The following ERCC6 variants were observed in gnomAD, a reference collection of about 807,000 sequenced individuals.
ERCC6 encodes ERCC excision repair 6, chromatin remodeling factor.
ERCC6 carries 116 observed loss-of-function variants against 158.7 expected under a neutral mutation model. The observed-to-expected ratio is 0.73, with a 90% CI of 0.63 to 0.85. The LOEUF is 0.85. ERCC6 is among the 40% of genes least tolerant of loss of function. The pLI, the probability that ERCC6 is intolerant of heterozygous loss-of-function variation, is 0.00. For synonymous variants in ERCC6, 678 were observed against 659.3 expected (o/e 1.03, Z -0.43); for missense variants, 1,698 against 1,799.4 (o/e 0.94, Z 1.02).
rs1248999807 is a variant in ERCC6, at chr10:49,459,250, C to T, written c.4063-16G>A. 4.3e-6 allele frequency: 7 copies of T among 1,612,680 alleles called. No homozygotes were observed. Among genetic ancestry groups the T allele is most frequent in the Non-Finnish European group, 5.9e-6 (7 of 1,179,470 alleles). On this transcript the variant is annotated splice_polypyrimidine_tract_variant and intron_variant, in intron 20 of 20. Coordinates refer to ENST00000355832, the MANE Select transcript of ERCC6 (RefSeq NM_000124.4). ...TGATGCCATCCTATAAAAAGAAGAC[C>T]ACTATACTGATATATTTAATTTCTA...
intron 5 of ERCC6, among the ~76,000 whole-genome samples, chr10:49,507,341 C>T (rs1026006536): frequency 6.6e-6 from 1 of 152,140 alleles, no homozygotes; most frequent in Non-Finnish European, 1.5e-5. Flanking sequence ...ATCAATGAAG[C>T]ACTGTTGGTC....
At chr10:49,448,022 G>C in the ERCC6 span, among the ~76,000 whole-genome samples, 1 of 152,104 alleles carries the variant, frequency 6.6e-6, no homozygotes, top group Admixed American at 6.6e-5. Flanking sequence ...GTATTTGTTT[G>C]AGCACCAGTT....
downstream of ERCC6, among the ~76,000 whole-genome samples, chr10:49,453,156 G>C (rs1850439724): frequency 6.6e-6 from 1 of 151,994 alleles, no homozygotes; most frequent in Non-Finnish European, 1.5e-5. Flanking sequence ...TTCTAAGGTA[G>C]TATTTTAATT....
At chr10:49,484,677 C>G (rs1851046195) in intron 8 of ERCC6, among the ~76,000 whole-genome samples, 2 of 152,174 alleles carry the variant, frequency 1.3e-5, no homozygotes, top group Admixed American at 6.5e-5. Flanking sequence ...GAGTTAGAGT[C>G]TACAGTGAGC....
chr10:49,500,643 C>T lies in ERCC6; in HGVS notation c.1580G>A (p.Gly527Glu). 1.2e-6 allele frequency: 2 copies of T among 1,614,012 alleles called. No homozygotes were observed. The highest frequency in any genetic ancestry group is 1.3e-5 in the African/African-American group (1 of 75,044). The stretch of plus-strand genomic sequence containing the variant: ...TCCCATTTCATCTCCCAGAATTCCT[C>T]CTGCCTGCTGGCAGTGCAATTCCCA... ...WLWELHCQQAGGILGDEMGLG... is the reference protein window; with the variant it reads ...WLWELHCQQAEGILGDEMGLG... Residue 527 changes from glycine to glutamate, a missense_variant, in exon 7 of 21, where the codon GGA becomes GAA. Gly to Glu is a moderately conservative substitution (Grantham distance 98). Transcript: ENST00000355832.
At chr10:49,492,452 C>G (rs150316892) in intron 8 of ERCC6, among the ~76,000 whole-genome samples, 44 of 152,280 alleles carry the variant, frequency 2.9e-4, no homozygotes, top group Non-Finnish European at 5.6e-4. Flanking sequence ...AAAAATGAAT[C>G]AGACACAGTC....
intron 8 of ERCC6, among the ~76,000 whole-genome samples, chr10:49,488,572 C>T (rs1030861526): frequency 2.4e-4 from 36 of 150,952 alleles, no homozygotes; most frequent in Non-Finnish European, 4.3e-4. Context: ...ACTTTGCATT[C>T]TATTATAATT....
chr10:49,512,480 C>G (rs541005747), intron 5 of ERCC6, among the ~76,000 whole-genome samples: 2 of 152,286 alleles, frequency 1.3e-5, no homozygotes, highest in East Asian at 3.9e-4. Context: ...TGATACTGTA[C>G]TTATATTTTT....
intron 5 of ERCC6, among the ~76,000 whole-genome samples, chr10:49,523,645 G>A (rs927207275): frequency 1.3e-5 from 2 of 152,158 alleles, no homozygotes; most frequent in Admixed American, 6.5e-5. Context: ...TGCTTCAAAA[G>A]GGAAAACAGA....
chr10:49,498,668 T>C (rs1013079686), intron 7 of ERCC6, among the ~76,000 whole-genome samples: 1 of 152,204 alleles, frequency 6.6e-6, no homozygotes, highest in Non-Finnish European at 1.5e-5. Context: ...ATATGAGCAT[T>C]GATAGTTAAT....
intron 1 of ERCC6, among the ~76,000 whole-genome samples, chr10:49,537,389 A>G (rs2132648073): frequency 6.6e-6 from 1 of 151,948 alleles, no homozygotes; most frequent in African/African-American, 2.4e-5. Context: ...TTTAACAAAT[A>G]GTTACTGAGA....
At chr10:49,466,131 C>A (rs1207481273) in intron 18 of ERCC6, among the ~76,000 whole-genome samples, 1 of 152,002 alleles carries the variant, frequency 6.6e-6, no homozygotes, top group African/African-American at 2.4e-5. Flanking sequence ...ATAGCACACA[C>A]TGAAAATATG....
intron 18 of ERCC6, 140 bp downstream of exon 18, chr10:49,470,042 T>A (rs892708992): frequency 3.8e-6 from 3 of 798,636 alleles, no homozygotes; most frequent in African/African-American, 3.5e-5. Context: ...GTCAATATAT[T>A]TCAAATCTAA....
At chr10:49,510,263 T>C (rs764808047) in intron 5 of ERCC6, among the ~76,000 whole-genome samples, 7 of 152,156 alleles carry the variant, frequency 4.6e-5, no homozygotes, top group African/African-American at 1.7e-4. Flanking sequence ...CCATTTAAAG[T>C]TAATTTATTT....
rs1182944058 is a variant in ERCC6 at position 49,457,308 on chromosome 10, T to C, written c.*1507A>G. 2.0e-5 allele frequency: 3 copies of C among 152,108 alleles called. No individual in the cohort carries two copies. Among genetic ancestry groups the C allele is most frequent in the Non-Finnish European group, 4.4e-5 (3 of 68,024 alleles). 9.4% of individuals were successfully genotyped at this position (152,108 alleles called of 1,614,324 possible). On this transcript the variant is annotated 3_prime_UTR_variant, in exon 21 of 21. Coordinates refer to ENST00000355832, the MANE Select transcript of ERCC6 (RefSeq NM_000124.4). ...AAAATAATGTAATCATCTTCTTCCC[T>C]CATTATATATAAACCAAACTAAAAA...
intron 5 of ERCC6, among the ~76,000 whole-genome samples, chr10:49,511,123 T>C (rs933463675): frequency 6.6e-6 from 1 of 152,136 alleles, no homozygotes; most frequent in African/African-American, 2.4e-5. Flanking sequence ...TTTGGGTTCA[T>C]CACCAGTAGG....
downstream of ERCC6, among the ~76,000 whole-genome samples, chr10:49,454,232 C>T (rs1850452139): frequency 6.6e-6 from 1 of 152,096 alleles, no homozygotes; most frequent in Non-Finnish European, 1.5e-5. Flanking sequence ...TACTATTGAA[C>T]CCCTTTAGTG....
Position 49,470,988 on chromosome 10 carries a change from AC to A in ERCC6, c.3056del (p.Ser1019MetfsTer18). 6.2e-7 allele frequency: 1 copy of A among 1,614,090 alleles called. No individual in the cohort carries two copies. The highest frequency in any genetic ancestry group is 1.1e-5 in the South Asian group (1 of 91,082). On this transcript the variant is annotated frameshift_variant, in exon 17 of 21. Transcript: ENST00000355832. LOFTEE classifies it high-confidence loss of function. ...SPDASQSTET[S>X]AIFAGTGSDV... ...TTTATGTAATACCTGCAAAAATTGC[AC>A]TTGTTTCAGTGCTCTGGGATGCATC...
Position 49,461,552 on chromosome 10 carries a change from G to T in ERCC6, c.3783C>A (p.Gly1261=). 1.9e-6 allele frequency: 3 copies of T among 1,612,768 alleles called. No homozygotes were observed. Among genetic ancestry groups the T allele is most frequent in the Non-Finnish European group, 2.5e-6 (3 of 1,179,382 alleles). The change falls in exon 19 of 21, where the codon GGC becomes GGA. Residue 1261 remains glycine (G), a synonymous_variant. Transcript: ENST00000355832. ...VLEKLFKKSV[G]VHSVMKHDAI... is the part of the protein sequence containing the mutation. ...CATCGTGCTTCATGACACTGTGCAC[G>T]CCAACTAGCAAGAAAAGAAATAGCA...
Sources: allele counts gnomAD v4.1 joint callset (sites outside exome capture counted in the v4.1 genomes callset), GRCh38; gene constraint gnomAD v4.1.1; transcripts MANE v1.5; gene names NCBI Gene and HGNC (gene_info 2026-07-23, HGNC 2026-07-21).